NDFIP1: variants seen among roughly 807,000 people sequenced by gnomAD.
The protein encoded by NDFIP1 is NEDD4 family-interacting protein 1.
A neutral mutation model predicts 28.8 loss-of-function variants in NDFIP1; 7 were observed. That is an observed-to-expected ratio of 0.24 (90% CI 0.14 to 0.46). NDFIP1 has a LOEUF of 0.46. Ranked by LOEUF, NDFIP1 falls within the 20% of genes least tolerant of loss-of-function variation. The probability of loss-of-function intolerance (pLI) is 0.99; values close to 1 mark genes in which losing one functional copy is unlikely to be tolerated. For missense variants in NDFIP1, 194 were observed against 269.1 expected (o/e 0.72, Z 1.95); for synonymous variants, 92 against 101.0 (o/e 0.91, Z 0.53).
intron 7 of NDFIP1, among the ~76,000 whole-genome samples, chr5:142,145,664 CT>C (rs1176571878): frequency 6.6e-6 from 1 of 152,056 alleles, no homozygotes; most frequent in African/African-American, 2.4e-5. Context: ...AAGTATGGGG[CT>C]TGTTCAGAGG....
intron 1 of NDFIP1, among the ~76,000 whole-genome samples, chr5:142,122,390 A>T (rs1256833487): frequency 1.3e-5 from 2 of 152,176 alleles, no homozygotes; most frequent in Non-Finnish European, 2.9e-5. Flanking sequence ...AAATACCACA[A>T]TTTATTTACC....
intron 7 of NDFIP1, among the ~76,000 whole-genome samples, chr5:142,145,804 C>T (rs947825521): frequency 3.3e-5 from 5 of 152,110 alleles, no homozygotes; most frequent in South Asian, 2.1e-4. Context: ...ATAGAGCCAG[C>T]GACATGTTGG....
At chr5:142,135,627 T>C in intron 3 of NDFIP1, 103 bp from the exon 4 acceptor site, 1 of 932,310 alleles carries the variant, frequency 1.1e-6, no homozygotes. Context: ...AATTTTGAAC[T>C]GAACCAAAGC....
At chr5:142,146,275 A>C (rs1757387854) in intron 7 of NDFIP1, among the ~76,000 whole-genome samples, 1 of 152,236 alleles carries the variant, frequency 6.6e-6, no homozygotes, top group Admixed American at 6.5e-5. Flanking sequence ...GCATGTCATG[A>C]ATTTGAATTC....
chr5:142,120,505 T>C (rs1258289324), intron 1 of NDFIP1, among the ~76,000 whole-genome samples: 1 of 152,230 alleles, frequency 6.6e-6, no homozygotes, highest in South Asian at 2.1e-4. Context: ...TTATTGCTGC[T>C]TCCTTTCCTG....
chr5:142,123,050 C>A (rs1757136214), intron 1 of NDFIP1, among the ~76,000 whole-genome samples: 3 of 151,888 alleles, frequency 2.0e-5, no homozygotes, highest in Admixed American at 2.0e-4. Context: ...GCAACCTCTA[C>A]CTCCCAGGTT....
intron 1 of NDFIP1, among the ~76,000 whole-genome samples, chr5:142,111,489 GGT>G (rs1333529305): frequency 6.6e-6 from 1 of 152,002 alleles, no homozygotes; most frequent in African/African-American, 2.4e-5. Flanking sequence ...GGAAATGCCT[GGT>G]CAGCGAATAT....
rs368714422 is a variant in NDFIP1, at chr5:142,117,190, GAT to G, written c.63+8157_63+8158del. 4.9e-3 allele frequency among the ~76,000 whole-genome samples: 739 copies of G among 151,922 alleles called. 3 individuals carry two copies. Among genetic ancestry groups the G allele is most frequent in the African/African-American group, 0.016 (673 of 41,430 alleles). Reference sequence around the variant, plus strand: ...GGAGACTGGACAATTTATGAATAGAGATATAAGGGTTTAGGGAGTGGTGCCTG... The same window carrying G: ...GGAGACTGGACAATTTATGAATAGAGATAAGGGTTTAGGGAGTGGTGCCTG... On this transcript the variant is annotated intron_variant, in intron 1 of 7. Transcript: ENST00000253814.
intron 7 of NDFIP1, among the ~76,000 whole-genome samples, chr5:142,147,697 T>C (rs1163661164): frequency 6.6e-6 from 1 of 152,216 alleles, no homozygotes; most frequent in Non-Finnish European, 1.5e-5. Flanking sequence ...AAGGATAAAT[T>C]TGATCTTATT....
chr5:142,108,979 C>G lies in NDFIP1; in HGVS notation c.5C>G (p.Ala2Gly). The G allele has an allele frequency of 1.4e-6, 2 of 1,446,250 alleles. No individual in the cohort carries two copies. The highest frequency in any genetic ancestry group is 1.8e-6 in the Non-Finnish European group (2 of 1,102,854). 89.6% of individuals were successfully genotyped at this position (1,446,250 alleles called of 1,614,324 possible). M[A>G]LALAALAAVE... is the part of the protein sequence containing the mutation. ...TTCCCTGCTGCCGGCTGCGCCATGGCGTTGGCGTTGGCGGCGCTGGCGGCG... is the reference window on the plus strand; with the variant it reads ...TTCCCTGCTGCCGGCTGCGCCATGGGGTTGGCGTTGGCGGCGCTGGCGGCG... The change falls in exon 1 of 8, where the codon GCG (alanine) becomes GGG (glycine). Residue 2 changes from alanine (A) to glycine (G), a missense_variant. By Grantham distance (60) the Ala-to-Gly change is moderately conservative. Transcript: ENST00000253814.
At chr5:142,112,768 G>A (rs1295638890) in intron 1 of NDFIP1, among the ~76,000 whole-genome samples, 2 of 145,612 alleles carry the variant, frequency 1.4e-5, no homozygotes, top group East Asian at 2.1e-4. Context: ...GCTGGGCGAC[G>A]AAGTGAGACT....
chr5:142,137,993 A>G, intron 5 of NDFIP1, 135 bp downstream of exon 5: 3 of 1,170,754 alleles, frequency 2.6e-6, no homozygotes, highest in Non-Finnish European at 1.2e-6. Flanking sequence ...CTGTGGTTTC[A>G]TGATGAAGCT....
intron 5 of NDFIP1, among the ~76,000 whole-genome samples, chr5:142,139,274 C>T (rs1398031585): frequency 6.6e-6 from 1 of 151,630 alleles, no homozygotes; most frequent in East Asian, 1.9e-4. Flanking sequence ...ATGCTTTTGA[C>T]TGTGAGTAAC....
At chr5:142,113,498 A>G (rs1757036031) in intron 1 of NDFIP1, among the ~76,000 whole-genome samples, 1 of 152,252 alleles carries the variant, frequency 6.6e-6, no homozygotes, top group South Asian at 2.1e-4. Flanking sequence ...GTCAGTGATC[A>G]AAGAAAATTT....
At chr5:142,109,302 G>T (rs1397863291) in intron 1 of NDFIP1, among the ~76,000 whole-genome samples, 3 of 152,208 alleles carry the variant, frequency 2.0e-5, no homozygotes, top group African/African-American at 7.2e-5. Flanking sequence ...AGGGCGGGCG[G>T]GTCCCTGAGT....
intron 1 of NDFIP1, among the ~76,000 whole-genome samples, chr5:142,128,158 C>G (rs1224029530): frequency 3.3e-5 from 5 of 152,056 alleles, no homozygotes. Context: ...TCTGAGTATC[C>G]CCTACAACCC....
chr5:142,125,541 G>C (rs1227272298), intron 1 of NDFIP1, among the ~76,000 whole-genome samples: 1 of 152,014 alleles, frequency 6.6e-6, no homozygotes, highest in Non-Finnish European at 1.5e-5. Context: ...TAAATTTTTA[G>C]TAGAGACAGG....
At chr5:142,137,352 T>C (rs1048328602) in intron 4 of NDFIP1, among the ~76,000 whole-genome samples, 1 of 150,306 alleles carries the variant, frequency 6.7e-6, no homozygotes, top group Non-Finnish European at 1.5e-5. Flanking sequence ...GTTTGTTTTG[T>C]TTTTTTCAGT....
In NDFIP1 at chr5:142,153,014, T is replaced by C. The variant is rs1447264710; in HGVS notation, c.*1286T>C. ...GGACTAAAAAAGTAGAGAGGAGTTG[T>C]AGAGATCTTAAATCATTCTGGAATT... On this transcript the variant is annotated 3_prime_UTR_variant, in exon 8 of 8. Transcript: ENST00000253814. The C allele has an allele frequency of 3.0e-6, 1 of 332,006 alleles. No homozygotes were observed. The highest frequency in any genetic ancestry group is 5.9e-6 in the Non-Finnish European group (1 of 169,944). 20.6% of individuals were successfully genotyped at this position (332,006 alleles called of 1,614,324 possible).
Sources: allele counts gnomAD v4.1 joint callset (sites outside exome capture counted in the v4.1 genomes callset), GRCh38; gene constraint gnomAD v4.1.1; transcripts MANE v1.5; gene names NCBI Gene and HGNC (gene_info 2026-07-23, HGNC 2026-07-21).